Variants in ACBD6 observed in about 807,000 individuals in gnomAD.
ACBD6 encodes acyl-CoA binding domain containing 6, also known as acyl-CoA-binding domain-containing protein 6.
In ACBD6, 28 loss-of-function variants were observed where a neutral mutation model predicts 37.2. The ratio of observed to expected loss-of-function variants is 0.75; its 90% CI spans 0.56 to 1.03. The LOEUF is 1.03. ACBD6 is among the 50% of genes least tolerant of loss of function. The pLI, the probability that ACBD6 is intolerant of heterozygous loss-of-function variation, is 0.00. For synonymous variants in ACBD6, 113 were observed against 126.8 expected, an observed-to-expected ratio of 0.89 and a Z score of 0.73; for missense variants, 340 against 337.4, an observed-to-expected ratio of 1.01 and a Z score of -0.06.
intron 4 of ACBD6, among the ~76,000 whole-genome samples, chr1:180,420,871 T>A (rs1479442162): frequency 6.6e-6 from 1 of 152,158 alleles, no homozygotes; most frequent in Non-Finnish European, 1.5e-5. Flanking sequence ...AGGTAGCCTA[T>A]CCCTTCCTGC....
chr1:180,323,021 C>T (rs1050090318), intron 6 of ACBD6, among the ~76,000 whole-genome samples: 1 of 151,706 alleles, frequency 6.6e-6, no homozygotes, highest in Non-Finnish European at 1.5e-5. Context: ...CTTGGTACTG[C>T]TTTCACTGTA....
At chr1:180,373,957 T>C (rs1290194516) in intron 6 of ACBD6, among the ~76,000 whole-genome samples, 1 of 152,094 alleles carries the variant, frequency 6.6e-6, no homozygotes, top group Non-Finnish European at 1.5e-5. Flanking sequence ...ATAAAGAAAA[T>C]ATTTAATTAG....
At chr1:180,420,454 G>A (rs1485090839) in intron 4 of ACBD6, among the ~76,000 whole-genome samples, 4 of 152,100 alleles carry the variant, frequency 2.6e-5, no homozygotes, top group African/African-American at 9.7e-5. Flanking sequence ...GTTCTCTTTC[G>A]TGGTGTTGAC....
At chr1:180,311,712 T>G (rs1650601066) in intron 7 of ACBD6, among the ~76,000 whole-genome samples, 1 of 152,206 alleles carries the variant, frequency 6.6e-6, no homozygotes, top group Non-Finnish European at 1.5e-5. Flanking sequence ...GCTACAGCAT[T>G]GTGGAGTGGA....
intron 4 of ACBD6, among the ~76,000 whole-genome samples, chr1:180,416,431 T>A (rs1373298810): frequency 6.6e-6 from 1 of 152,178 alleles, no homozygotes; most frequent in East Asian, 1.9e-4. Flanking sequence ...CTTAAATAAA[T>A]AAATGTGTCT....
At chr1:180,333,894 A>G (rs908206829) in intron 6 of ACBD6, among the ~76,000 whole-genome samples, 2 of 152,252 alleles carry the variant, frequency 1.3e-5, no homozygotes, top group Non-Finnish European at 2.9e-5. Flanking sequence ...AGAGGGTCCT[A>G]TGCCCACGGA....
At chr1:180,299,592 T>A (rs1650050235) in intron 7 of ACBD6, among the ~76,000 whole-genome samples, 1 of 152,084 alleles carries the variant, frequency 6.6e-6, no homozygotes, top group Admixed American at 6.6e-5. Context: ...ATTTTCACTC[T>A]AATGCCTCCT....
intron 3 of ACBD6, among the ~76,000 whole-genome samples, chr1:180,433,574 C>CTGTGTGTG (rs61101474): frequency 2.3e-4 from 34 of 149,828 alleles, no homozygotes; most frequent in African/African-American, 8.1e-4. Flanking sequence ...TGGTGTTATG[C>CTGTGTGTG]TGTGTGTGTG....
chr1:180,317,684 T>C (rs1488332416), intron 6 of ACBD6, among the ~76,000 whole-genome samples: 1 of 152,170 alleles, frequency 6.6e-6, no homozygotes, highest in Non-Finnish European at 1.5e-5. Flanking sequence ...CTCTGGTTCT[T>C]GTCATTTCAA....
intron 7 of ACBD6, among the ~76,000 whole-genome samples, chr1:180,300,110 T>C (rs952645727): frequency 1.3e-5 from 2 of 152,150 alleles, no homozygotes; most frequent in Non-Finnish European, 2.9e-5. Flanking sequence ...TCAGAAGAGC[T>C]GTCAACACAA....
intron 1 of ACBD6, among the ~76,000 whole-genome samples, chr1:180,501,340 C>CATT (rs67704933): frequency 0.021 from 3,144 of 151,686 alleles, 51 homozygotes; most frequent in Non-Finnish European, 0.026. Context: ...CATTGCATCA[C>CATT]ATTATTATTA....
chr1:180,398,310 T>A (rs1186532876), intron 5 of ACBD6, among the ~76,000 whole-genome samples: 1 of 152,176 alleles, frequency 6.6e-6, no homozygotes, highest in Non-Finnish European at 1.5e-5. Context: ...GTCCATTTCT[T>A]TTTTTCTGGA....
At chr1:180,457,943 C>A (rs539383155) in intron 3 of ACBD6, among the ~76,000 whole-genome samples, 1 of 152,018 alleles carries the variant, frequency 6.6e-6, no homozygotes, top group Non-Finnish European at 1.5e-5. Flanking sequence ...CAGGCGCCCA[C>A]CACCAAACCC....
At chr1:180,334,715 GC>G (rs1651632685) in intron 6 of ACBD6, among the ~76,000 whole-genome samples, 1 of 152,172 alleles carries the variant, frequency 6.6e-6, no homozygotes, top group African/African-American at 2.4e-5. Flanking sequence ...ACTACTTTGA[GC>G]TAAAGGAGGA....
At chr1:180,435,719 T>G in intron 3 of ACBD6, 1 of 854,706 alleles carries the variant, frequency 1.2e-6, no homozygotes, top group Non-Finnish European at 2.0e-6. Flanking sequence ...CAATCTCGCC[T>G]GGACAGCAGG....
At chr1:180,420,599 A>G (rs10913988) in intron 4 of ACBD6, among the ~76,000 whole-genome samples, 16,337 of 152,132 alleles carry the variant, frequency 0.11, 1,289 homozygotes, top group African/African-American at 0.21. Context: ...GAACTCATGA[A>G]TTTCTGAGTG....
At chr1:180,377,806 T>G (rs1473440160) in intron 6 of ACBD6, among the ~76,000 whole-genome samples, 4 of 151,564 alleles carry the variant, frequency 2.6e-5, no homozygotes, top group African/African-American at 9.7e-5. Flanking sequence ...AATTAGCTGG[T>G]CATGGTGGCA....
At chr1:180,478,045 T>C (rs1264836267) in intron 3 of ACBD6, among the ~76,000 whole-genome samples, 1 of 152,150 alleles carries the variant, frequency 6.6e-6, no homozygotes, top group East Asian at 1.9e-4. Context: ...CTCTAAATTT[T>C]CTAATAAATT....
chr1:180,334,941 CGAGAA>C lies in ACBD6; in HGVS notation c.664-20224_664-20220del, dbSNP rs1450075895. ...AGGAGATCAAATGAATGAAATGAAG[CGAGAA>C]GAGAAGTTTAGAGAAAAAAGAATAA... is the stretch of plus-strand genomic sequence containing the variant. On this transcript the variant is annotated intron_variant, in intron 6 of 7. Coordinates refer to ENST00000367595, the MANE Select transcript of ACBD6 (RefSeq NM_032360.4). Among the ~76,000 whole-genome samples the C allele has an allele frequency of 3.3e-5, 5 of 151,796 alleles. No individual in the cohort carries two copies. In the East Asian group the frequency reaches 5.8e-4, roughly 18 times the overall value.
Sources: gnomAD v4.1 joint callset for allele counts (sites outside exome capture counted in the v4.1 genomes callset) on GRCh38, gnomAD v4.1.1 for gene constraint, MANE v1.5 for transcripts, NCBI Gene and HGNC (gene_info 2026-07-23, HGNC 2026-07-21) for gene names.